Variants in ASMT observed in about 807,000 individuals in gnomAD.
ASMT encodes acetylserotonin N-methyltransferase.
In ASMT, 53 loss-of-function variants were observed where a neutral mutation model predicts 41.3. That is an observed-to-expected ratio of 1.28 (90% CI 1.03 to 1.61). ASMT has a LOEUF of 1.61. Among genes scored for constraint, ASMT ranks in the 40% most tolerant of loss-of-function variants. ASMT has a pLI of 0.00. For synonymous variants in ASMT, 231 were observed against 184.8 expected, an observed-to-expected ratio of 1.25 and a Z score of -2.03; for missense variants, 531 against 441.3, an observed-to-expected ratio of 1.20 and a Z score of -1.82.
rs1288985148 is a variant in ASMT at position 1,618,268 on chromosome X, A to G, written c.69+3000A>G. On this transcript the variant is annotated intron_variant, in intron 1 of 8. Transcript: ENST00000381241. ...AACCTCTCCCTCCCAGGTTCAAGCA[A>G]TTCCCCTGCCTTAGCCTCCTGAGTA... Among the ~76,000 whole-genome samples the G allele has an allele frequency of 3.8e-4, 58 of 152,064 alleles. 1 individual carries two copies. Among genetic ancestry groups the G allele is most frequent in the Non-Finnish European group, 1.5e-4 (10 of 68,012 alleles).
chrX:1,633,072 G>A (rs1349456757), intron 6 of ASMT, 78 bp from the exon 7 acceptor site: 2 of 1,574,290 alleles, frequency 1.3e-6, no homozygotes, highest in Non-Finnish European at 1.7e-6. Flanking sequence ...GACCCTTCAT[G>A]AGTCCATGGT....
intron 3 of ASMT, 26 bp downstream of exon 3, chrX:1,624,424 T>C (rs368009621): frequency 3.8e-4 from 611 of 1,605,946 alleles, no homozygotes; most frequent in Non-Finnish European, 4.6e-4. Flanking sequence ...AGGCAGATGC[T>C]GGGAGGTGGT....
intron 1 of ASMT, among the ~76,000 whole-genome samples, chrX:1,621,958 G>T (rs1467158756): frequency 2.0e-5 from 3 of 151,414 alleles, no homozygotes; most frequent in Non-Finnish European, 4.4e-5. Flanking sequence ...GCCTCCCAAA[G>T]TGCTGGGATG....
At position 1,623,242 on chromosome X, in the gene ASMT, A is replaced by G. The variant is rs1174012980; in HGVS notation, c.173A>G (p.His58Arg). 1.2e-6 allele frequency: 2 copies of G among 1,613,700 alleles called. No individual in the cohort carries two copies. Among genetic ancestry groups the G allele is most frequent in the African/African-American group, 1.3e-5 (1 of 74,912 alleles). ...AVAAGVRASA[H>R]GTELLLDICV... The stretch of plus-strand genomic sequence containing the variant: ...GCTGCAGGTGTGAGGGCCAGCGCCC[A>G]TGGGACAGAGCTCCTGCTGGACATC... The change falls in exon 2 of 9, where the codon CAT (histidine) becomes CGT (arginine). Residue 58 changes from histidine to arginine, a missense_variant. Coordinates refer to ENST00000381241, the MANE Select transcript of ASMT (RefSeq NM_001171038.2).
At chrX:1,627,936 A>G (rs28437830) in intron 4 of ASMT, 165 bp downstream of exon 4, 367,946 of 720,560 alleles carry the variant, frequency 0.51, 95,481 homozygotes, top group Admixed American at 0.68. Context: ...GATTTTGCTC[A>G]TCTGATGTTT....
chrX:1,628,904 C>A (rs1934662083), intron 4 of ASMT, among the ~76,000 whole-genome samples: 1 of 149,946 alleles, frequency 6.7e-6, no homozygotes, highest in African/African-American at 2.5e-5. Context: ...CCTCGGTCTG[C>A]TTTCCTTTCC....
At chrX:1,631,092 T>C (rs1257168764) in intron 5 of ASMT, among the ~76,000 whole-genome samples, 21 of 151,394 alleles carry the variant, frequency 1.4e-4, no homozygotes, top group African/African-American at 4.4e-4. Context: ...TTGTTTTTTT[T>C]TTTAGTAGAG....
At chrX:1,625,947 T>C (rs866860206) in intron 3 of ASMT, among the ~76,000 whole-genome samples, 3 of 87,746 alleles carry the variant, frequency 3.4e-5, no homozygotes, top group Middle Eastern at 8.6e-3. Flanking sequence ...AGAGCGAGAC[T>C]CCATCTCAAA....
Position 1,626,420 on chromosome X carries a change from C to T in ASMT, c.375-1283C>T, listed in dbSNP as rs746832398. 1.7e-4 allele frequency among the ~76,000 whole-genome samples: 26 copies of T among 151,874 alleles called. No individual in the cohort carries two copies. The South Asian group carries it at 4.0e-3, about 23-fold the overall frequency. On this transcript the variant is annotated intron_variant, in intron 3 of 8. Transcript: ENST00000381241. ...CTGATTGTTTGTGTTTTAGTAGAGA[C>T]GGGGTTTCACCCTGTCTTTGAGGCT... is the stretch of plus-strand genomic sequence containing the variant.
chrX:1,628,804 G>T (rs1344356292), intron 4 of ASMT, among the ~76,000 whole-genome samples: 4 of 109,406 alleles, frequency 3.7e-5, no homozygotes, highest in Non-Finnish European at 7.4e-5. Context: ...CCCTTCACCT[G>T]CCTCTCTCCT....
At position 1,636,218 on chromosome X, in the gene ASMT, A is replaced by T. The variant is rs1287691092; in HGVS notation, c.788-220A>T. The T allele has an allele frequency of 4.6e-6, 3 of 649,744 alleles. No homozygotes were observed. In the African/African-American group the frequency reaches 5.4e-5, roughly 12 times the overall value. 40.2% of individuals were successfully genotyped at this position (649,744 alleles called of 1,614,324 possible). A position where few individuals can be genotyped will look rare whatever the true frequency, so the allele number is the denominator to read the frequency against. On this transcript the variant is annotated intron_variant, in intron 7 of 8. Transcript: ENST00000381241. ...GTGATCTGCCCACCTCCGCCTCCCA[A>T]AGTGCTAGGATTACAGGCGTGAGCC...
At position 1,642,785 on chromosome X, in the gene ASMT, G is replaced by A. The variant is rs200994340; in HGVS notation, c.911-18G>A. ...TGTGTGTTTGTGTGTGATGTGGACT[G>A]TGCCCCTCCCTTTCTAGGTGGTGGC... On this transcript the variant is annotated intron_variant, in intron 8 of 8. Transcript: ENST00000381241. 1.2e-5 allele frequency: 19 copies of A among 1,608,116 alleles called. No homozygotes were observed. The African/African-American group carries it at 2.1e-4, about 18-fold the overall frequency.
In ASMT at chrX:1,635,386, G is replaced by A. The variant is rs556006076; in HGVS notation, c.788-1052G>A. Among the ~76,000 whole-genome samples the A allele has an allele frequency of 9.2e-5, 14 of 152,132 alleles. No individual in the cohort carries two copies. The South Asian group carries it at 2.7e-3, about 29-fold the overall frequency. On this transcript the variant is annotated intron_variant, in intron 7 of 8. Coordinates refer to ENST00000381241, the MANE Select transcript of ASMT (RefSeq NM_001171038.2). ...TGACAAGACTTGAGCGTTTCACATCGCACACACATAAAGGGTCAGTCTTGC... is the reference window on the plus strand; with the variant it reads ...TGACAAGACTTGAGCGTTTCACATCACACACACATAAAGGGTCAGTCTTGC...
chrX:1,636,058 C>T (rs371196787), intron 7 of ASMT, among the ~76,000 whole-genome samples: 3 of 150,284 alleles, frequency 2.0e-5, no homozygotes, highest in Admixed American at 6.7e-5. Context: ...CGGGTTCATG[C>T]CATTCTCCTG....
Position 1,636,487 on chromosome X carries a change from C to T in ASMT, c.837C>T (p.Ala279=). The part of the protein sequence containing the change: ...PLPEADLYIL[A]RVLHDWADGK... ...CGGAAGCTGATCTGTACATCCTGGC[C>T]AGGGTCCTCCATGACTGGGCAGACG... The change falls in exon 8 of 9, where the codon GCC becomes GCT. Residue 279 remains alanine (A), a synonymous_variant. Transcript: ENST00000381241. The T allele has an allele frequency of 1.2e-6, 2 of 1,613,902 alleles. No homozygotes were observed. The highest frequency in any genetic ancestry group is 1.7e-6 in the Non-Finnish European group (2 of 1,179,870).
chrX:1,626,320 C>T (rs1195159024), intron 3 of ASMT, among the ~76,000 whole-genome samples: 1 of 150,964 alleles, frequency 6.6e-6, no homozygotes, highest in African/African-American at 2.4e-5. Context: ...CTGCAACCTC[C>T]GCCTCCTGGG....
chrX:1,629,747 G>A, intron 4 of ASMT, 74 bp from the exon 5 acceptor site: 1 of 1,350,246 alleles, frequency 7.4e-7, no homozygotes, highest in Non-Finnish European at 1.1e-6. Flanking sequence ...TCTCAACAGG[G>A]GGTTATGTAC....
At chrX:1,637,092 ACTGTGTC>A in intron 8 of ASMT, among the ~76,000 whole-genome samples, 1 of 105,648 alleles carries the variant, frequency 9.5e-6, no homozygotes, top group African/African-American at 3.8e-5. Flanking sequence ...TGAGATAAGG[ACTGTGTC>A]CCAGCTCTCC....
chrX:1,622,783 A>G (rs1934382558), intron 1 of ASMT, among the ~76,000 whole-genome samples: 2 of 151,542 alleles, frequency 1.3e-5, no homozygotes, highest in Admixed American at 1.3e-4. Context: ...ATGGTGGAAC[A>G]GGCCTGTAAT....
Sources: allele counts gnomAD v4.1 joint callset (sites outside exome capture counted in the v4.1 genomes callset), GRCh38; gene constraint gnomAD v4.1.1; transcripts MANE v1.5; gene names NCBI Gene and HGNC (gene_info 2026-07-23, HGNC 2026-07-21).